The following PRDM16 variants were observed in gnomAD, a reference collection of about 807,000 sequenced individuals.
PRDM16 encodes the protein histone-lysine N-methyltransferase PRDM16.
Under a neutral mutation model 110.6 loss-of-function variants are expected in PRDM16, and 23 were observed. That is an observed-to-expected ratio of 0.21 (90% CI 0.15 to 0.29). The LOEUF is 0.29. Among genes scored for constraint, PRDM16 ranks in the 10% least tolerant of loss-of-function variants. The pLI is 1.00. For missense variants in PRDM16, 1,615 were observed against 1,794.3 expected, an observed-to-expected ratio of 0.90 and a Z score of 1.81; for synonymous variants, 799 against 781.8, an observed-to-expected ratio of 1.02 and a Z score of -0.37.
At chr1:3,364,435 T>G (rs527914360) in intron 3 of PRDM16, among the ~76,000 whole-genome samples, 18 of 152,260 alleles carry the variant, frequency 1.2e-4, no homozygotes, top group African/African-American at 4.3e-4. Flanking sequence ...GCTCAGAGGT[T>G]AACACGGTGA....
intron 3 of PRDM16, among the ~76,000 whole-genome samples, chr1:3,343,718 C>G (rs1398066811): frequency 1.3e-5 from 2 of 152,034 alleles, no homozygotes; most frequent in Non-Finnish European, 2.9e-5. Flanking sequence ...ACTACAAGCT[C>G]CGCCTCCCGG....
chr1:3,419,685 C>G (rs571889380), intron 12 of PRDM16, among the ~76,000 whole-genome samples: 27 of 152,224 alleles, frequency 1.8e-4, no homozygotes, highest in African/African-American at 6.3e-4. Flanking sequence ...TCTGGCCACA[C>G]AGAGCTAGAG....
At chr1:3,351,556 CT>C (rs1279347891) in intron 3 of PRDM16, among the ~76,000 whole-genome samples, 1 of 79,196 alleles carries the variant, frequency 1.3e-5, no homozygotes, top group African/African-American at 5.2e-5. Context: ...GTCCCCCTCC[CT>C]CTCTCATCCC....
Position 3,362,824 on chromosome 1 carries a change from CG to C in PRDM16, c.439-22324del, listed in dbSNP as rs1184552894. ...TGCCCTGACCTGCTCCAGGGAGCGT[CG>C]GGGAGCCATAGGGAGTGTCGGGGAG... On this transcript the variant is annotated intron_variant, in intron 3 of 16. Coordinates refer to ENST00000270722, the MANE Select transcript of PRDM16 (RefSeq NM_022114.4). Among the ~76,000 whole-genome samples, 3 of 152,254 alleles carry C rather than the reference CG, an allele frequency of 2.0e-5. No homozygotes were observed. The East Asian group carries it at 5.8e-4, about 29-fold the overall frequency.
At chr1:3,273,840 G>A (rs1640520256) in intron 3 of PRDM16, among the ~76,000 whole-genome samples, 1 of 151,306 alleles carries the variant, frequency 6.6e-6, no homozygotes, top group African/African-American at 2.4e-5. Context: ...GTGTGTGTGT[G>A]TGTGTGTGTG....
Position 3,148,382 on chromosome 1 carries a change from G to A in PRDM16, c.38-37743G>A, listed in dbSNP as rs549730483. Among the ~76,000 whole-genome samples the A allele has an allele frequency of 3.9e-5, 6 of 152,280 alleles. No individual in the cohort carries two copies. The South Asian group carries it at 8.3e-4, about 21-fold the overall frequency. ...AACCCAGGAGCCAGGAGCTGCAGGA[G>A]GGCCAGTGGCCAGAGGTGAGGAAGG... is the stretch of plus-strand genomic sequence containing the variant. On this transcript the variant is annotated intron_variant, in intron 1 of 16. Transcript: ENST00000270722. The surrounding 1 kb of genome is among the most constrained non-coding windows in gnomAD (Gnocchi z 5.0).
At chr1:3,236,797 C>T (rs1435192069) in intron 2 of PRDM16, among the ~76,000 whole-genome samples, 1 of 152,230 alleles carries the variant, frequency 6.6e-6, no homozygotes, top group African/African-American at 2.4e-5. Flanking sequence ...TCCTCTTCTG[C>T]ACAGAGCAGG....
intron 3 of PRDM16, among the ~76,000 whole-genome samples, chr1:3,362,816 G>A (rs1402882333): frequency 6.6e-6 from 1 of 152,186 alleles, no homozygotes; most frequent in Non-Finnish European, 1.5e-5. Flanking sequence ...ACCTGCTCCA[G>A]GGAGCGTCGG....
intron 3 of PRDM16, among the ~76,000 whole-genome samples, chr1:3,321,637 ATGTG>A (rs1237819825): frequency 1.4e-5 from 2 of 147,056 alleles, no homozygotes; most frequent in Non-Finnish European, 3.0e-5. Flanking sequence ...ATGTGTATGT[ATGTG>A]TGATTGTGAT....
intron 3 of PRDM16, among the ~76,000 whole-genome samples, chr1:3,247,640 C>G (rs540895767): frequency 1.6e-3 from 250 of 152,374 alleles, no homozygotes; most frequent in Non-Finnish European, 2.9e-3. Flanking sequence ...GGTCTCTGCG[C>G]CTTCGTTCAC....
intron 2 of PRDM16, among the ~76,000 whole-genome samples, chr1:3,224,853 T>G (rs72630997): frequency 0.046 from 7,065 of 152,334 alleles, 244 homozygotes; most frequent in Non-Finnish European, 0.068. Flanking sequence ...GGAAGGACTA[T>G]GCAATCTCGT....
rs1225719985 is a variant in PRDM16 at position 3,139,845 on chromosome 1, C to T, written c.38-46280C>T. Among the ~76,000 whole-genome samples, 3 of 152,216 alleles carry T rather than the reference C, an allele frequency of 2.0e-5. No homozygotes were observed. The East Asian group carries it at 5.8e-4, about 29-fold the overall frequency. ...GGGGTAGCAGTAGGTGAAAGACGGTCCTAAGACACCCAGCCACCTCTTTTC... is the reference window on the plus strand; with the variant it reads ...GGGGTAGCAGTAGGTGAAAGACGGTTCTAAGACACCCAGCCACCTCTTTTC... On this transcript the variant is annotated intron_variant, in intron 1 of 16. Transcript: ENST00000270722.
intron 14 of PRDM16, 102 bp downstream of exon 14, chr1:3,426,327 A>C: frequency 1.1e-6 from 1 of 948,972 alleles, no homozygotes; most frequent in African/African-American, 1.6e-5. Context: ...CCAGCCCCTA[A>C]CACATCCAGA....
rs1638581994 is a variant in PRDM16, at chr1:3,425,611, C to T, written c.2970C>T (p.Ile990=). The T allele has an allele frequency of 1.2e-6, 2 of 1,613,948 alleles. No homozygotes were observed. Among genetic ancestry groups the T allele is most frequent in the African/African-American group, 1.3e-5 (1 of 75,028 alleles). ...AGTACTGCGACCGCTCCTTCAGCAT[C>T]TCTTCGAACCTCCAGCGGCACGTCC... ...RCKYCDRSFS[I]SSNLQRHVRN... Residue 990 remains isoleucine, a synonymous_variant, in exon 13 of 17, where the codon ATC becomes ATT. Coordinates refer to ENST00000270722, the MANE Select transcript of PRDM16 (RefSeq NM_022114.4). The surrounding 1 kb of genome is among the most constrained non-coding windows in gnomAD (Gnocchi z 6.9).
At chr1:3,150,041 C>T (rs78526512) in intron 1 of PRDM16, among the ~76,000 whole-genome samples, 1,949 of 152,346 alleles carry the variant, frequency 0.013, 80 homozygotes, top group East Asian at 0.11. Flanking sequence ...GTCATGGCTC[C>T]TGCCCTGAGG....
intron 1 of PRDM16, among the ~76,000 whole-genome samples, chr1:3,120,310 G>A (rs915827917): frequency 3.9e-5 from 6 of 152,192 alleles, no homozygotes; most frequent in African/African-American, 1.4e-4. Context: ...GGCACTGGAA[G>A]ATTCCAGGGA....
chr1:3,086,759 G>A (rs375253572), intron 1 of PRDM16, among the ~76,000 whole-genome samples: 12 of 152,272 alleles, frequency 7.9e-5, no homozygotes, highest in African/African-American at 2.6e-4. Context: ...GTCGTCTGCC[G>A]GGGCTTGCTG....
Position 3,080,396 on chromosome 1 carries a change from C to T in PRDM16, c.37+11100C>T, listed in dbSNP as rs192699848. 5.9e-5 allele frequency among the ~76,000 whole-genome samples: 9 copies of T among 152,312 alleles called. No homozygotes were observed. Among genetic ancestry groups the T allele is most frequent in the African/African-American group, 1.9e-4 (8 of 41,554 alleles). On this transcript the variant is annotated intron_variant, in intron 1 of 16. Coordinates refer to ENST00000270722, the MANE Select transcript of PRDM16 (RefSeq NM_022114.4). The surrounding 1 kb of genome is among the most constrained non-coding windows in gnomAD (Gnocchi z 5.2). ...TTACGGCCGACCCGCGCTTTCCGATCGGTTTCTCTACCCCGGCCCATCCAG... is the reference window on the plus strand; with the variant it reads ...TTACGGCCGACCCGCGCTTTCCGATTGGTTTCTCTACCCCGGCCCATCCAG...
chr1:3,409,834 G>GGC (rs1643645630), intron 8 of PRDM16, among the ~76,000 whole-genome samples: 1 of 125,800 alleles, frequency 7.9e-6, no homozygotes, highest in African/African-American at 3.1e-5. Flanking sequence ...GTTGTGTGTG[G>GGC]GTGTGTGGTG....
Sources: gnomAD v4.1 joint callset for allele counts (sites outside exome capture counted in the v4.1 genomes callset) on GRCh38, gnomAD v4.1.1 for gene constraint, Gnocchi (gnomAD v3.1) non-coding constraint, MANE v1.5 for transcripts, NCBI Gene and HGNC (gene_info 2026-07-23, HGNC 2026-07-21) for gene names.